The following KAZN variants were observed in gnomAD, a reference collection of about 807,000 sequenced individuals.
KAZN encodes kazrin, periplakin interacting protein, also known as kazrin.
Under a neutral mutation model 87.4 loss-of-function variants are expected in KAZN, and 40 were observed. The observed-to-expected ratio is 0.46, with a 90% CI of 0.36 to 0.60. The LOEUF is 0.60. Ranked by LOEUF, KAZN falls within the 20% of genes least tolerant of loss-of-function variation. The pLI is 0.00. For synonymous variants in KAZN, 466 were observed against 458.3 expected (o/e 1.02, Z -0.22); for missense variants, 898 against 1,073.9 (o/e 0.84, Z 2.29).
At chr1:14,072,257 A>C (rs1199967656) in intron 1 of KAZN, among the ~76,000 whole-genome samples, 2 of 152,200 alleles carry the variant, frequency 1.3e-5, no homozygotes, top group African/African-American at 4.8e-5. Context: ...TGTAAATTAA[A>C]TGTCATTTAG....
intron 1 of KAZN, among the ~76,000 whole-genome samples, chr1:14,135,156 G>A (rs1474811736): frequency 6.6e-6 from 1 of 152,184 alleles, no homozygotes; most frequent in Non-Finnish European, 1.5e-5. Flanking sequence ...TATGTTCTTT[G>A]TTTTGCTGGA....
chr1:14,948,657 CG>C (rs1371909134), intron 1 of KAZN, among the ~76,000 whole-genome samples: 1 of 152,054 alleles, frequency 6.6e-6, no homozygotes, highest in Non-Finnish European at 1.5e-5. Context: ...CCCAGTCCAG[CG>C]GGGGCTAATA....
intron 1 of KAZN, among the ~76,000 whole-genome samples, chr1:13,982,363 A>C (rs528907636): frequency 1.3e-5 from 2 of 152,104 alleles, no homozygotes; most frequent in Non-Finnish European, 1.5e-5. Context: ...TGATGTTCGG[A>C]TGTGTTCGGA....
At chr1:14,593,348 G>A (rs1676313179) in intron 2 of KAZN, among the ~76,000 whole-genome samples, 1 of 152,214 alleles carries the variant, frequency 6.6e-6, no homozygotes, top group African/African-American at 2.4e-5. Flanking sequence ...ACACCAGACA[G>A]GGGGAGCAGA....
At chr1:14,975,659 C>T (rs1665518749) in intron 2 of KAZN, among the ~76,000 whole-genome samples, 1 of 152,128 alleles carries the variant, frequency 6.6e-6, no homozygotes, top group Non-Finnish European at 1.5e-5. Context: ...CTCCCAGCAG[C>T]CCTGTGAGTT....
chr1:15,059,240 AG>A (rs1358708486), intron 5 of KAZN, among the ~76,000 whole-genome samples: 3 of 152,110 alleles, frequency 2.0e-5, no homozygotes, highest in Non-Finnish European at 4.4e-5. Context: ...CCCAGCCAAA[AG>A]CAAGCACTTT....
chr1:14,013,452 C>A (rs1324078031), intron 1 of KAZN, among the ~76,000 whole-genome samples: 2 of 152,026 alleles, frequency 1.3e-5, no homozygotes, highest in Non-Finnish European at 1.5e-5. Context: ...TGACAACCCC[C>A]CAGAGGTTTT....
At chr1:14,552,321 T>C (rs1482607880) in intron 2 of KAZN, among the ~76,000 whole-genome samples, 1 of 152,188 alleles carries the variant, frequency 6.6e-6, no homozygotes, top group African/African-American at 2.4e-5. Flanking sequence ...CCCTGCAGCT[T>C]ACCAGGCTCC....
chr1:14,399,788 G>A (rs1663229903), intron 2 of KAZN, among the ~76,000 whole-genome samples: 1 of 151,746 alleles, frequency 6.6e-6, no homozygotes, highest in Non-Finnish European at 1.5e-5. Flanking sequence ...CTCTCAGGAA[G>A]GCTTCCCCGA....
At chr1:14,191,826 C>G (rs894984524) in intron 2 of KAZN, among the ~76,000 whole-genome samples, 7 of 152,124 alleles carry the variant, frequency 4.6e-5, no homozygotes, top group Non-Finnish European at 1.0e-4. Context: ...CTGCCTCACA[C>G]AGGCAGGTGA....
chr1:14,344,006 A>G (rs1657926197), intron 2 of KAZN, among the ~76,000 whole-genome samples: 1 of 152,124 alleles, frequency 6.6e-6, no homozygotes. Flanking sequence ...TTGCTAGGTG[A>G]TAGATCCAGA....
intron 2 of KAZN, among the ~76,000 whole-genome samples, chr1:14,347,864 TTTTTTTC>T (rs1658223117): frequency 6.6e-6 from 1 of 150,460 alleles, no homozygotes; most frequent in Non-Finnish European, 1.5e-5. Flanking sequence ...ATACTACTAT[TTTTTTTC>T]TTTTTTCTTT....
At chr1:14,374,539 C>A (rs1255186324) in intron 2 of KAZN, among the ~76,000 whole-genome samples, 1 of 152,144 alleles carries the variant, frequency 6.6e-6, no homozygotes, top group East Asian at 1.9e-4. Context: ...AAATAACGAG[C>A]CCTTTTTTTT....
intron 2 of KAZN, among the ~76,000 whole-genome samples, chr1:15,031,075 CG>C (rs1448219125): frequency 6.6e-6 from 1 of 152,222 alleles, no homozygotes; most frequent in Non-Finnish European, 1.5e-5. Flanking sequence ...CAGGATTGGA[CG>C]TTCAGGACAA....
intron 1 of KAZN, among the ~76,000 whole-genome samples, chr1:14,163,079 T>C (rs984365754): frequency 6.6e-6 from 1 of 152,126 alleles, no homozygotes; most frequent in Admixed American, 6.6e-5. Flanking sequence ...GCTGCAAATC[T>C]TATCTAGATC....
chr1:15,065,871 C>A, intron 8 of KAZN, 118 bp downstream of exon 8: 1 of 1,527,156 alleles, frequency 6.5e-7, no homozygotes, highest in Non-Finnish European at 8.8e-7. Context: ...AGCGTGGGTG[C>A]GCGTGTGGCC....
intron 2 of KAZN, among the ~76,000 whole-genome samples, chr1:14,427,617 T>TAC (rs796828679): frequency 3.1e-5 from 4 of 128,504 alleles, no homozygotes; most frequent in African/African-American, 1.2e-4. Context: ...TGTGTGTATA[T>TAC]ATATGGTATA....
At chr1:15,068,143 T>C (rs1639343853) in intron 8 of KAZN, 1 of 894,162 alleles carries the variant, frequency 1.1e-6, no homozygotes, top group Non-Finnish European at 1.3e-6. Context: ...AAGCTTATTT[T>C]AAAATATGAT....
chr1:14,467,973 C>A (rs1031094829), intron 2 of KAZN, among the ~76,000 whole-genome samples: 3 of 152,266 alleles, frequency 2.0e-5, no homozygotes, highest in Admixed American at 2.0e-4. Context: ...AAATCACGTG[C>A]TCTTCTCTGG....
Sources: gnomAD v4.1 joint callset for allele counts (sites outside exome capture counted in the v4.1 genomes callset) on GRCh38, gnomAD v4.1.1 for gene constraint, MANE v1.5 for transcripts, NCBI Gene and HGNC (gene_info 2026-07-23, HGNC 2026-07-21) for gene names.